Variants in IGF1R observed in about 807,000 individuals in gnomAD.
IGF1R encodes insulin like growth factor 1 receptor.
In IGF1R, 44 loss-of-function variants were observed where a neutral mutation model predicts 144.6. The ratio of observed to expected loss-of-function variants is 0.30; its 90% CI spans 0.24 to 0.39. IGF1R has a LOEUF of 0.39. IGF1R is among the 10% of genes least tolerant of loss of function. IGF1R has a pLI of 1.00. For missense variants in IGF1R, 1,355 were observed against 1,833.7 expected (o/e 0.74, Z 4.77); for synonymous variants, 795 against 722.8 (o/e 1.10, Z -1.60).
rs555862818 is a variant in IGF1R, at chr15:98,827,155, A to G, written c.641-64170A>G. ...CCTGCCCCCCAACTCCGAATCAGAG[A>G]ATGAATAACAAATAAACATGACAAT... On this transcript the variant is annotated intron_variant, in intron 2 of 20. Transcript: ENST00000650285. 1.2e-4 allele frequency among the ~76,000 whole-genome samples: 18 copies of G among 152,308 alleles called. 1 individual carries two copies. In the South Asian group the frequency reaches 3.7e-3, roughly 32 times the overall value.
At chr15:98,761,756 A>G (rs1567115703) in intron 2 of IGF1R, among the ~76,000 whole-genome samples, 1 of 152,182 alleles carries the variant, frequency 6.6e-6, no homozygotes, top group Non-Finnish European at 1.5e-5. Context: ...GTATCTCCAT[A>G]TTCCTCCATC....
At chr15:98,697,194 G>A (rs1853030085) in intron 1 of IGF1R, among the ~76,000 whole-genome samples, 1 of 152,190 alleles carries the variant, frequency 6.6e-6, no homozygotes, top group Non-Finnish European at 1.5e-5. Flanking sequence ...AGGAAGAACT[G>A]TGTTGGGGTA....
At chr15:98,955,614 C>T (rs1004023651) in intron 20 of IGF1R, among the ~76,000 whole-genome samples, 2 of 152,226 alleles carry the variant, frequency 1.3e-5, no homozygotes, top group African/African-American at 2.4e-5. Context: ...ATGGCTCTCC[C>T]TCACACCCAG....
Position 98,957,635 on chromosome 15 carries a change from A to G in IGF1R, c.*193A>G. On this transcript the variant is annotated 3_prime_UTR_variant, in exon 21 of 21. Coordinates refer to ENST00000650285, the MANE Select transcript of IGF1R (RefSeq NM_000875.5). ...TGGGATGTTCCTTTTTTCAATATGC[A>G]AGCAGCTTTTTATTCCCTGCCCAAA... 8 of 673,932 alleles carry G rather than the reference A, an allele frequency of 1.2e-5. No homozygotes were observed. The highest frequency in any genetic ancestry group is 1.1e-4 in the East Asian group (4 of 36,532). The allele number at this position is 673,932 out of a possible 1,614,324, so 41.7% of individuals were successfully genotyped here.
intron 2 of IGF1R, among the ~76,000 whole-genome samples, chr15:98,846,909 G>C (rs2011349385): frequency 6.6e-6 from 1 of 152,172 alleles, no homozygotes; most frequent in Non-Finnish European, 1.5e-5. Flanking sequence ...GGAATTCCTT[G>C]ACCCGGGAAT....
At chr15:98,736,663 G>A (rs1379617610) in intron 2 of IGF1R, among the ~76,000 whole-genome samples, 1 of 149,578 alleles carries the variant, frequency 6.7e-6, no homozygotes, top group Non-Finnish European at 1.5e-5. Flanking sequence ...CCAGGCTGGA[G>A]TGGAGTGGCA....
intron 2 of IGF1R, among the ~76,000 whole-genome samples, chr15:98,711,465 A>G (rs1464664218): frequency 1.3e-5 from 2 of 151,428 alleles, no homozygotes; most frequent in South Asian, 2.1e-4. Context: ...TACTCCCTCT[A>G]TGGACGTGAT....
chr15:98,672,681 T>C (rs1468362500), intron 1 of IGF1R, among the ~76,000 whole-genome samples: 1 of 152,102 alleles, frequency 6.6e-6, no homozygotes, highest in Non-Finnish European at 1.5e-5. Context: ...AGTCATAAGA[T>C]TTTGAGAAAT....
At chr15:98,902,415 C>CTTTTTT (rs11434197) in intron 5 of IGF1R, among the ~76,000 whole-genome samples, 1 of 119,844 alleles carries the variant, frequency 8.3e-6, no homozygotes, top group Non-Finnish European at 1.7e-5. Flanking sequence ...TTTTCTTGAA[C>CTTTTTT]TTTTTTTTTT....
At chr15:98,749,342 T>C (rs979058577) in intron 2 of IGF1R, among the ~76,000 whole-genome samples, 1 of 152,174 alleles carries the variant, frequency 6.6e-6, no homozygotes, top group African/African-American at 2.4e-5. Context: ...TGTATTTCTC[T>C]TTGGTCTTGG....
intron 2 of IGF1R, among the ~76,000 whole-genome samples, chr15:98,719,040 G>C (rs1167984080): frequency 2.0e-5 from 3 of 152,222 alleles, no homozygotes; most frequent in Admixed American, 6.5e-5. Flanking sequence ...TAGGTGCTTA[G>C]ACTATTCTTC....
At chr15:98,896,712 G>C (rs2151651893) in intron 3 of IGF1R, 45 bp from the exon 4 acceptor site, 1 of 1,591,392 alleles carries the variant, frequency 6.3e-7, no homozygotes, top group Non-Finnish European at 8.6e-7. Context: ...CAAGAAGACA[G>C]ACTCAATTAT....
chr15:98,732,940 C>T (rs532700946), intron 2 of IGF1R, among the ~76,000 whole-genome samples: 4 of 152,156 alleles, frequency 2.6e-5, no homozygotes, highest in African/African-American at 4.8e-5. Context: ...GTCAGTGGGA[C>T]GACTCCCAAG....
intron 2 of IGF1R, among the ~76,000 whole-genome samples, chr15:98,716,804 G>T (rs2054128555): frequency 6.8e-6 from 1 of 147,900 alleles, no homozygotes; most frequent in Non-Finnish European, 1.5e-5. Context: ...CAGGGAAGGT[G>T]ACCATCCAGG....
intron 1 of IGF1R, among the ~76,000 whole-genome samples, chr15:98,680,135 T>A (rs1173806351): frequency 6.6e-6 from 1 of 152,188 alleles, no homozygotes; most frequent in African/African-American, 2.4e-5. Flanking sequence ...GTATACAGTA[T>A]TTATAAAGTC....
chr15:98,650,312 T>C (rs1370024758), intron 1 of IGF1R, among the ~76,000 whole-genome samples: 1 of 152,168 alleles, frequency 6.6e-6, no homozygotes, highest in Non-Finnish European at 1.5e-5. Flanking sequence ...TTCCTGGCCT[T>C]GCCCGTCACT....
At position 98,847,699 on chromosome 15, in the gene IGF1R, A is replaced by G. The variant is rs563389141; in HGVS notation, c.641-43626A>G. ...AGGCCTTTCTACTTCTAGTTCCAGA[A>G]TCGTCTGGATCTACATTATGTGGGA... is the stretch of plus-strand genomic sequence containing the variant. On this transcript the variant is annotated intron_variant, in intron 2 of 20. Coordinates refer to ENST00000650285, the MANE Select transcript of IGF1R (RefSeq NM_000875.5). Among the ~76,000 whole-genome samples, 6 of 152,290 alleles carry G rather than the reference A, an allele frequency of 3.9e-5. No homozygotes were observed. The South Asian group carries it at 1.0e-3, about 26-fold the overall frequency.
chr15:98,788,711 C>T (rs1764663656), intron 2 of IGF1R, among the ~76,000 whole-genome samples: 1 of 152,220 alleles, frequency 6.6e-6, no homozygotes, highest in Non-Finnish European at 1.5e-5. Flanking sequence ...GCCAGTGAGG[C>T]CTGTCCTAAT....
chr15:98,831,393 AT>A (rs1298809662), intron 2 of IGF1R, among the ~76,000 whole-genome samples: 1 of 152,162 alleles, frequency 6.6e-6, no homozygotes, highest in Non-Finnish European at 1.5e-5. Flanking sequence ...GCCCACTGTT[AT>A]CTGTTGTAGA....
Sources: gnomAD v4.1 joint callset for allele counts (sites outside exome capture counted in the v4.1 genomes callset) on GRCh38, gnomAD v4.1.1 for gene constraint, MANE v1.5 for transcripts, NCBI Gene and HGNC (gene_info 2026-07-23, HGNC 2026-07-21) for gene names.